Variants in XPNPEP2 observed in about 807,000 individuals in gnomAD.
The protein encoded by XPNPEP2 is xaa-Pro aminopeptidase 2.
A neutral mutation model predicts 59.8 loss-of-function variants in XPNPEP2; 64 were observed. That is an observed-to-expected ratio of 1.07 (90% CI 0.87 to 1.32). The LOEUF (loss-of-function observed/expected upper bound fraction) is 1.32. XPNPEP2 is among the 40% of genes most tolerant of loss of function. XPNPEP2 has a pLI of 0.00. For missense variants in XPNPEP2, 575 were observed against 546.8 expected (o/e 1.05, Z -0.51); for synonymous variants, 235 against 210.0 (o/e 1.12, Z -1.03).
chrX:129,753,894 T>C (rs1300780320), intron 11 of XPNPEP2, among the ~76,000 whole-genome samples: 1 of 111,794 alleles, frequency 8.9e-6, no homozygotes, highest in Non-Finnish European at 1.9e-5. Context: ...TTACAGCATA[T>C]GGTTGTTGTG....
chrX:129,741,994 C>T, intron 1 of XPNPEP2, 114 bp from the exon 2 acceptor site: 2 of 651,707 alleles, frequency 3.1e-6, no homozygotes, highest in Non-Finnish European at 4.9e-6. Flanking sequence ...AGCTGGCCAG[C>T]TTCGTGCGTT....
At chrX:129,751,887 C>A in intron 9 of XPNPEP2, 61 bp downstream of exon 9, 1 of 1,089,023 alleles carries the variant, frequency 9.2e-7, no homozygotes, top group Non-Finnish European at 1.3e-6. Flanking sequence ...TCTTGATGCC[C>A]CACCACTGAT....
At chrX:129,757,750 G>A (rs759434774) in intron 14 of XPNPEP2, among the ~76,000 whole-genome samples, 8 of 100,862 alleles carry the variant, frequency 7.9e-5, no homozygotes, top group East Asian at 6.1e-4. Flanking sequence ...AGCCGAGATC[G>A]TGACACTGCA....
chrX:129,762,493 C>T lies in XPNPEP2; in HGVS notation c.1664-201C>T, dbSNP rs779458889. 4.5e-5 allele frequency among the ~76,000 whole-genome samples: 5 copies of T among 111,538 alleles called. No individual in the cohort carries two copies. In the Admixed American group the frequency reaches 4.7e-4, roughly 11 times the overall value. ...GAAGAGAGAGTGAGTCAGAGATGCC[C>T]CTGTGGGGGATCTGAGGCCTGACAG... On this transcript the variant is annotated intron_variant, in intron 18 of 20. Transcript: ENST00000371106.
rs190393958 is a variant in XPNPEP2, at chrX:129,748,639, C to T, written c.637+886C>T. Among the ~76,000 whole-genome samples, 23 of 112,670 alleles carry T rather than the reference C, an allele frequency of 2.0e-4. No homozygotes were observed. In the East Asian group the frequency reaches 6.1e-3, roughly 30 times the overall value. On this transcript the variant is annotated intron_variant, in intron 7 of 20. Transcript: ENST00000371106. ...ACAAGTGAAAATTGTGTCCATTTTT[C>T]TTTATCTGTTCTGATGTAACTTCCA...
In XPNPEP2 at chrX:129,754,505, G is replaced by A. The variant is rs754800499; in HGVS notation, c.1141G>A (p.Val381Ile). 1 of 1,195,258 alleles carries A rather than the reference G, an allele frequency of 8.4e-7. No individual in the cohort carries two copies. Among genetic ancestry groups the A allele is most frequent in the South Asian group, 1.8e-5 (1 of 54,163 alleles). Residue 381 changes from valine to isoleucine, a missense_variant, in exon 12 of 21, where the codon GTC (valine) becomes ATC (isoleucine). Val to Ile is a conservative substitution (Grantham distance 29, BLOSUM62 3). Coordinates refer to ENST00000371106, the MANE Select transcript of XPNPEP2 (RefSeq NM_003399.6). The stretch of plus-strand genomic sequence containing the variant: ...CGCTGTGGCTGTGATCCGGTACTTG[G>A]TCTGGCTGGAGAAGAACGTGCCCAA... ...RDAVAVIRYL[V>I]WLEKNVPKGT...
intron 7 of XPNPEP2, among the ~76,000 whole-genome samples, chrX:129,749,698 A>G (rs1160804488): frequency 8.8e-6 from 1 of 113,138 alleles, no homozygotes; most frequent in Non-Finnish European, 1.9e-5. Flanking sequence ...AGATATAAGC[A>G]TCTGAGAAAG....
In XPNPEP2 at chrX:129,755,436, A is replaced by T. The variant is rs1254900099; in HGVS notation, c.1295+65A>T. On this transcript the variant is annotated intron_variant, in intron 13 of 20. Coordinates refer to ENST00000371106, the MANE Select transcript of XPNPEP2 (RefSeq NM_003399.6). ...CATCCTGTTGTGTGTGTAGAGGAACAGGGTGAGGGGAGGGGGATGTTCTGG... is the reference window on the plus strand; with the variant it reads ...CATCCTGTTGTGTGTGTAGAGGAACTGGGTGAGGGGAGGGGGATGTTCTGG... The T allele has an allele frequency of 2.8e-6, 3 of 1,068,465 alleles. No individual in the cohort carries two copies. The East Asian group carries it at 9.1e-5, about 32-fold the overall frequency. 88.1% of individuals were successfully genotyped at this position (1,068,465 alleles called of 1,213,427 possible).
chrX:129,754,382 G>A (rs1926477023), intron 11 of XPNPEP2, 90 bp from the exon 12 acceptor site: 17 of 810,109 alleles, frequency 2.1e-5, no homozygotes, highest in Non-Finnish European at 2.9e-5. Flanking sequence ...CCACATCCTG[G>A]AGCCGCTATC....
chrX:129,746,671 C>G lies in XPNPEP2; in HGVS notation c.480C>G (p.Leu160=). 8.3e-7 allele frequency: 1 copy of G among 1,209,415 alleles called. No individual in the cohort carries two copies. The highest frequency in any genetic ancestry group is 1.8e-5 in the South Asian group (1 of 56,868). The change falls in exon 6 of 21, where the codon CTC becomes CTG. Residue 160 remains leucine (L), a synonymous_variant. Coordinates refer to ENST00000371106, the MANE Select transcript of XPNPEP2 (RefSeq NM_003399.6). ...GGCGTGTGGGTTTTGACCCCTTCCT[C>G]TTGTCCATTGGTATGCTCTTCCTTC... ...AGGRVGFDPF[L]LSIDTWESYD...
chrX:129,762,890 T>G (rs1414455769), intron 19 of XPNPEP2, 120 bp downstream of exon 19: 3 of 595,427 alleles, frequency 5.0e-6, no homozygotes, highest in Admixed American at 5.6e-5. Flanking sequence ...AGGCATGAAT[T>G]TATCTGGAGT....
Position 129,765,635 on chromosome X carries a change from C to CTTTTTT in XPNPEP2, c.1741-1951_1741-1946dup, listed in dbSNP as rs56014067. ...TATTTCTTTTTTTCTTTCTTTCTTT[C>CTTTTTT]TTTTTTTTTTTTTTTTTTTTTTGAT... On this transcript the variant is annotated intron_variant, in intron 19 of 20. Transcript: ENST00000371106. Among the ~76,000 whole-genome samples, 221 of 67,271 alleles carry CTTTTTT rather than the reference C, an allele frequency of 3.3e-3. 1 individual carries two copies. Among genetic ancestry groups the CTTTTTT allele is most frequent in the African/African-American group, 8.8e-3 (147 of 16,751 alleles). 58.4% of individuals were successfully genotyped at this position (67,271 alleles called of 115,157 possible).
intron 7 of XPNPEP2, among the ~76,000 whole-genome samples, chrX:129,748,814 T>C (rs1015003384): frequency 9.0e-6 from 1 of 111,527 alleles, no homozygotes; most frequent in Non-Finnish European, 1.9e-5. Context: ...TTCCTGGGGC[T>C]GGAAGGGTTT....
intron 14 of XPNPEP2, among the ~76,000 whole-genome samples, chrX:129,756,871 G>A (rs1046013559): frequency 9.4e-6 from 1 of 106,214 alleles, no homozygotes; most frequent in Admixed American, 1.0e-4. Flanking sequence ...TCACTCTGTC[G>A]CCCAGGTTTG....
chrX:129,751,107 C>CG (rs1926385541), intron 8 of XPNPEP2, among the ~76,000 whole-genome samples: 1 of 39,144 alleles, frequency 2.6e-5, no homozygotes, highest in Non-Finnish European at 4.7e-5. Flanking sequence ...CTCCCCCACC[C>CG]CCCCCCCCCG....
intron 15 of XPNPEP2, among the ~76,000 whole-genome samples, chrX:129,759,890 A>G (rs1052619721): frequency 8.9e-6 from 1 of 112,293 alleles, no homozygotes; most frequent in African/African-American, 3.2e-5. Flanking sequence ...CGCCTCTGGA[A>G]GTGACCAGAA....
At chrX:129,744,534 G>A (rs958437753) in intron 3 of XPNPEP2, among the ~76,000 whole-genome samples, 2 of 111,526 alleles carry the variant, frequency 1.8e-5, no homozygotes, top group Non-Finnish European at 1.9e-5. Flanking sequence ...CCATCCCACC[G>A]TTTCCCCTCA....
chrX:129,756,127 A>C (rs975458554), intron 13 of XPNPEP2, among the ~76,000 whole-genome samples: 5 of 112,219 alleles, frequency 4.5e-5, no homozygotes, highest in Non-Finnish European at 9.4e-5. Context: ...TTGCCGCTTT[A>C]CCGCGCATCC....
Position 129,743,934 on chromosome X carries a change from T to C in XPNPEP2, c.124-27T>C, listed in dbSNP as rs954400581. 9.4e-6 allele frequency: 11 copies of C among 1,173,956 alleles called. No homozygotes were observed. The African/African-American group carries it at 1.1e-4, about 11-fold the overall frequency. ...CAACGTGTGTATCTGTTTGTTTGTG[T>C]CTCAATGTCTTCTTGTCATCTGTCA... On this transcript the variant is annotated intron_variant, in intron 2 of 20. Transcript: ENST00000371106.
Sources: allele counts gnomAD v4.1 joint callset (sites outside exome capture counted in the v4.1 genomes callset), GRCh38; gene constraint gnomAD v4.1.1; transcripts MANE v1.5; gene names NCBI Gene and HGNC (gene_info 2026-07-23, HGNC 2026-07-21).